LDLRAD3: variants seen among roughly 807,000 people sequenced by gnomAD.
The protein encoded by LDLRAD3 is low density lipoprotein receptor class A domain containing 3.
Under a neutral mutation model 29.4 loss-of-function variants are expected in LDLRAD3, and 20 were observed. The observed-to-expected ratio is 0.68, with a 90% CI of 0.48 to 0.99. LDLRAD3 has a LOEUF of 0.99. LDLRAD3 is among the 50% of genes least tolerant of loss of function. The probability of loss-of-function intolerance (pLI) is 0.00; values close to 1 mark genes in which losing one functional copy is unlikely to be tolerated. For synonymous variants in LDLRAD3, 157 were observed against 192.7 expected (o/e 0.81, Z 1.53); for missense variants, 420 against 454.3 (o/e 0.92, Z 0.69).
chr11:35,994,711 A>G (rs1851732552), intron 1 of LDLRAD3, among the ~76,000 whole-genome samples: 1 of 152,240 alleles, frequency 6.6e-6, no homozygotes, highest in Non-Finnish European at 1.5e-5. Context: ...ACTTCTTTCA[A>G]AATTGGAGTC....
intron 4 of LDLRAD3, among the ~76,000 whole-genome samples, chr11:36,119,189 A>G (rs1853717337): frequency 6.6e-6 from 1 of 152,212 alleles, no homozygotes; most frequent in Non-Finnish European, 1.5e-5. Flanking sequence ...CATTCAAAGA[A>G]CACTCTTGAT....
At chr11:36,079,535 T>C (rs1853076587) in intron 2 of LDLRAD3, among the ~76,000 whole-genome samples, 1 of 152,184 alleles carries the variant, frequency 6.6e-6, no homozygotes, top group Non-Finnish European at 1.5e-5. Flanking sequence ...ATAAGTGCTG[T>C]GGATACAACT....
chr11:36,105,238 T>TGTGTGTGTGTGTGTGTGTGA lies in LDLRAD3; in HGVS notation c.454+6778_454+6779insTGTGTGTGTGTGTGTGTGAG, dbSNP rs1343780985. Among the ~76,000 whole-genome samples, 66 of 128,424 alleles carry TGTGTGTGTGTGTGTGTGTGA rather than the reference T, an allele frequency of 5.1e-4. No individual in the cohort carries two copies. The East Asian group carries it at 7.3e-3, about 14-fold the overall frequency. The allele number at this position is 128,424 out of a possible 152,430, so 84.3% of individuals were successfully genotyped here. A position where few individuals can be genotyped will look rare whatever the true frequency, so the allele number is the denominator to read the frequency against. On this transcript the variant is annotated intron_variant, in intron 4 of 5. Transcript: ENST00000315571. The stretch of plus-strand genomic sequence containing the variant: ...GTGTGTGTGTGTGTGTGTGTGTGTG[T>TGTGTGTGTGTGTGTGTGTGA]GAGAGAGAGAGAGAGAGAGAGAGAA...
At chr11:36,068,997 T>C (rs1852846954) in intron 2 of LDLRAD3, among the ~76,000 whole-genome samples, 1 of 152,350 alleles carries the variant, frequency 6.6e-6, no homozygotes, top group African/African-American at 2.4e-5. Context: ...TAGCGTATGG[T>C]CTGTTGCTCT....
At chr11:36,181,510 TCAAG>T (rs1292110137) in intron 4 of LDLRAD3, among the ~76,000 whole-genome samples, 1 of 152,122 alleles carries the variant, frequency 6.6e-6, no homozygotes, top group African/African-American at 2.4e-5. Flanking sequence ...GGGCAGGGGC[TCAAG>T]CTTAGGCCTT....
intron 4 of LDLRAD3, among the ~76,000 whole-genome samples, chr11:36,119,077 A>C (rs1853715119): frequency 6.6e-6 from 1 of 152,100 alleles, no homozygotes; most frequent in African/African-American, 2.4e-5. Flanking sequence ...TAGTGTAGTA[A>C]AATACACTAA....
chr11:36,036,104 G>C lies in LDLRAD3; in HGVS notation c.48G>C (p.Glu16Asp), dbSNP rs200117745. ...PLCLLLSSAA[E>D]SQLLPGNNFT... ...TGACCTGTCCCCTCTCTCTGACAGA[G>C]AGCCAGCTGCTCCCCGGGAACAACT... Residue 16 changes from glutamate (E) to aspartate (D), a missense_variant and splice_region_variant, in exon 2 of 6, where the codon GAG becomes GAC. This residue lies in a region of LDLRAD3 where 224 missense variants were observed against 222.2 expected (regional missense o/e 1.01). Transcript: ENST00000315571. The C allele has an allele frequency of 1.4e-4, 224 of 1,613,762 alleles. No homozygotes were observed. In the East Asian group the frequency reaches 4.5e-3, roughly 33 times the overall value.
chr11:36,210,417 T>C (rs1253655367), intron 4 of LDLRAD3, among the ~76,000 whole-genome samples: 2 of 152,094 alleles, frequency 1.3e-5, no homozygotes, highest in Non-Finnish European at 2.9e-5. Context: ...CAGTCTGTCT[T>C]AGGTGTTTCG....
chr11:36,199,514 T>A (rs1855086279), intron 4 of LDLRAD3, among the ~76,000 whole-genome samples: 2 of 152,178 alleles, frequency 1.3e-5, no homozygotes, highest in Non-Finnish European at 2.9e-5. Flanking sequence ...AAGACATCTC[T>A]CAATGAGGGT....
At chr11:35,961,420 C>T (rs1851276411) in intron 1 of LDLRAD3, among the ~76,000 whole-genome samples, 1 of 152,220 alleles carries the variant, frequency 6.6e-6, no homozygotes, top group African/African-American at 2.4e-5. Flanking sequence ...CAGAGCTGCT[C>T]TGCCTCAGTG....
chr11:36,203,260 G>A lies in LDLRAD3; in HGVS notation c.455-23825G>A, dbSNP rs150982126. 8.4e-3 allele frequency among the ~76,000 whole-genome samples: 1,286 copies of A among 152,208 alleles called. 23 individuals are homozygous for A. Among genetic ancestry groups the A allele is most frequent in the African/African-American group, 0.029 (1,218 of 41,532 alleles). On this transcript the variant is annotated intron_variant, in intron 4 of 5. Coordinates refer to ENST00000315571, the MANE Select transcript of LDLRAD3 (RefSeq NM_174902.4). ...TGAGATTACAGGTGTGAGCCCCCGCGTCCAGCCCTGTGCTACATACTTTAT... is the reference window on the plus strand; with the variant it reads ...TGAGATTACAGGTGTGAGCCCCCGCATCCAGCCCTGTGCTACATACTTTAT...
At chr11:35,958,268 G>A (rs1468360508) in intron 1 of LDLRAD3, among the ~76,000 whole-genome samples, 1 of 152,194 alleles carries the variant, frequency 6.6e-6, no homozygotes, top group Non-Finnish European at 1.5e-5. Flanking sequence ...TGATGGGATT[G>A]GATAGCACAG....
chr11:36,213,571 G>A lies in LDLRAD3; in HGVS notation c.455-13514G>A, dbSNP rs1401270306. On this transcript the variant is annotated intron_variant, in intron 4 of 5. Transcript: ENST00000315571. This position sits in a 1 kb window ranked among gnomAD's most constrained non-coding sequence, Gnocchi z 4.1. ...CCAGACAATCCCTTGATGCTTCCAGGCTTGAGAAAGTGTGGCTGCCACTGT... is the reference window on the plus strand; with the variant it reads ...CCAGACAATCCCTTGATGCTTCCAGACTTGAGAAAGTGTGGCTGCCACTGT... 1.3e-5 allele frequency among the ~76,000 whole-genome samples: 2 copies of A among 152,158 alleles called. No homozygotes were observed. The highest frequency in any genetic ancestry group is 3.9e-4 in the East Asian group (2 of 5,166).
At chr11:36,215,481 G>T (rs1328901737) in intron 4 of LDLRAD3, among the ~76,000 whole-genome samples, 2 of 152,158 alleles carry the variant, frequency 1.3e-5, no homozygotes, top group African/African-American at 4.8e-5. Context: ...CAGGCACCAG[G>T]ACTGGGGATT....
At chr11:35,945,859 C>T (rs1436721918) in intron 1 of LDLRAD3, among the ~76,000 whole-genome samples, 1 of 152,114 alleles carries the variant, frequency 6.6e-6, no homozygotes, top group African/African-American at 2.4e-5. Context: ...TCAGCAGTGG[C>T]TATTTAATGT....
At chr11:36,214,012 A>G (rs1440207108) in intron 4 of LDLRAD3, among the ~76,000 whole-genome samples, 1 of 152,206 alleles carries the variant, frequency 6.6e-6, no homozygotes, top group Admixed American at 6.5e-5. Context: ...GGCAGGTACA[A>G]GTTGTTCATC....
At chr11:36,126,856 A>C (rs1470711355) in intron 4 of LDLRAD3, among the ~76,000 whole-genome samples, 1 of 152,234 alleles carries the variant, frequency 6.6e-6, no homozygotes, top group Non-Finnish European at 1.5e-5. Context: ...TGAATGGCTA[A>C]GTAATTAGAA....
chr11:36,010,805 A>G (rs1013804745), intron 1 of LDLRAD3, among the ~76,000 whole-genome samples: 2 of 151,932 alleles, frequency 1.3e-5, no homozygotes, highest in East Asian at 1.9e-4. Flanking sequence ...CCCCCTCCTT[A>G]GAAATTCTTT....
intron 1 of LDLRAD3, among the ~76,000 whole-genome samples, chr11:35,987,639 A>G (rs1851631421): frequency 6.6e-6 from 1 of 152,176 alleles, no homozygotes; most frequent in African/African-American, 2.4e-5. Flanking sequence ...TATATGTACC[A>G]TATTTTCTTT....
Sources: allele counts gnomAD v4.1 joint callset (sites outside exome capture counted in the v4.1 genomes callset), GRCh38; gene constraint gnomAD v4.1.1; regional missense constraint gnomAD v4.1.1; non-coding constraint Gnocchi (gnomAD v3.1); transcripts MANE v1.5; gene names NCBI Gene and HGNC (gene_info 2026-07-23, HGNC 2026-07-21).